The following PTPRN2 variants were observed in gnomAD, a reference collection of about 807,000 sequenced individuals.
The protein encoded by PTPRN2 is receptor-type tyrosine-protein phosphatase N2.
A neutral mutation model predicts 118.8 loss-of-function variants in PTPRN2; 74 were observed. The observed-to-expected ratio is 0.62, with a 90% CI of 0.52 to 0.76. PTPRN2 has a LOEUF of 0.76. PTPRN2 is among the 30% of genes least tolerant of loss of function. The pLI is 0.00. For missense variants in PTPRN2, 1,481 were observed against 1,394.4 expected, an observed-to-expected ratio of 1.06 and a Z score of -0.99; for synonymous variants, 641 against 608.0, an observed-to-expected ratio of 1.05 and a Z score of -0.80.
chr7:157,948,411 T>C (rs532161019), intron 11 of PTPRN2, among the ~76,000 whole-genome samples: 1 of 152,238 alleles, frequency 6.6e-6, no homozygotes, highest in East Asian at 1.9e-4. Flanking sequence ...TTAATTGTAA[T>C]TCCCATGGTA....
chr7:157,779,767 G>T lies in PTPRN2; in HGVS notation c.1789-96830C>A, dbSNP rs562185108. On this transcript the variant is annotated intron_variant, in intron 12 of 22. Transcript: ENST00000389418. This position sits in a 1 kb window ranked among gnomAD's most constrained non-coding sequence, Gnocchi z 4.7. Reference sequence around the variant, plus strand: ...GGCCTGAATGCTCACCCTATGGCTGGGTCACCCAGGGCACCCCGAGGTCAT... The same window carrying T: ...GGCCTGAATGCTCACCCTATGGCTGTGTCACCCAGGGCACCCCGAGGTCAT... Among the ~76,000 whole-genome samples, 7 of 152,296 alleles carry T rather than the reference G, an allele frequency of 4.6e-5. No homozygotes were observed. In the East Asian group the frequency reaches 1.2e-3, roughly 25 times the overall value.
intron 12 of PTPRN2, among the ~76,000 whole-genome samples, chr7:157,776,154 T>C (rs1300147484): frequency 1.8e-5 from 2 of 108,868 alleles, no homozygotes; most frequent in African/African-American, 3.6e-5. Context: ...TCCTCTCCTT[T>C]TTCACCTCCT....
At chr7:158,114,728 G>A (rs966096736) in intron 9 of PTPRN2, among the ~76,000 whole-genome samples, 1 of 152,218 alleles carries the variant, frequency 6.6e-6, no homozygotes, top group African/African-American at 2.4e-5. Flanking sequence ...GCCTACATGG[G>A]AGCCTGGTCC....
Position 157,653,431 on chromosome 7 carries a change from C to T in PTPRN2, c.2196+2926G>A, listed in dbSNP as rs570069266. 1.3e-3 allele frequency among the ~76,000 whole-genome samples: 195 copies of T among 152,214 alleles called. 2 individuals are homozygous for T. The highest frequency in any genetic ancestry group is 2.0e-3 in the Non-Finnish European group (133 of 68,010). On this transcript the variant is annotated intron_variant, in intron 14 of 22. Coordinates refer to ENST00000389418, the MANE Select transcript of PTPRN2 (RefSeq NM_002847.5). ...TGGCTGCCTTGTAGCTGTGATGAGTCGGAAGGTCGGCGACTCTGATGCGTT... is the reference window on the plus strand; with the variant it reads ...TGGCTGCCTTGTAGCTGTGATGAGTTGGAAGGTCGGCGACTCTGATGCGTT...
rs777484708 is a variant in PTPRN2, at chr7:158,167,170, A to G, written c.671T>C (p.Leu224Pro). Residue 224 changes from leucine to proline, a missense_variant, in exon 6 of 23, where the codon CTC becomes CCC. Coordinates refer to ENST00000389418, the MANE Select transcript of PTPRN2 (RefSeq NM_002847.5). ...EDLLPRTLGQ[L>P]QPDELSPKVD... ...CTTAGGGCTGAGCTCATCTGGCTGG[A>G]GCTGGCCGAGGGTCCGCGGCAGGAG... The G allele has an allele frequency of 6.2e-7, 1 of 1,613,836 alleles. No individual in the cohort carries two copies. Among genetic ancestry groups the G allele is most frequent in the South Asian group, 1.1e-5 (1 of 91,054 alleles).
Position 157,861,557 on chromosome 7 carries a change from T to C in PTPRN2, c.1788+37116A>G, listed in dbSNP as rs141321429. Among the ~76,000 whole-genome samples, 122 of 152,312 alleles carry C rather than the reference T, an allele frequency of 8.0e-4. 1 individual carries two copies. Among genetic ancestry groups the C allele is most frequent in the African/African-American group, 2.9e-3 (120 of 41,580 alleles). On this transcript the variant is annotated intron_variant, in intron 12 of 22. Transcript: ENST00000389418. The surrounding 1 kb of genome is among the most constrained non-coding windows in gnomAD (Gnocchi z 5.8). ...ACCTTACCTGCAGACACGCTCCCTG[T>C]ACTCAAAGCCGAGCTGTGTGAGGCT...
intron 14 of PTPRN2, among the ~76,000 whole-genome samples, chr7:157,641,902 T>G (rs1231559720): frequency 6.6e-6 from 1 of 151,948 alleles, no homozygotes; most frequent in Non-Finnish European, 1.5e-5. Context: ...TTCACTCGAG[T>G]CCAGGCTGAG....
chr7:158,164,835 G>A (rs2150582902), intron 6 of PTPRN2, among the ~76,000 whole-genome samples: 1 of 152,296 alleles, frequency 6.6e-6, no homozygotes, highest in South Asian at 2.1e-4. Context: ...CGGTGCCGGG[G>A]AGGGGCAAGG....
intron 12 of PTPRN2, chr7:157,865,776 C>T (rs1810619931): frequency 6.6e-6 from 1 of 152,232 alleles, no homozygotes; most frequent in Admixed American, 6.5e-5. Context: ...CCTCCTGGGG[C>T]TGCAGCCCCA....
Position 157,550,329 on chromosome 7 carries a change from C to T in PTPRN2, c.2903-1310G>A, listed in dbSNP as rs940104967. On this transcript the variant is annotated intron_variant, in intron 21 of 22. Transcript: ENST00000389418. The surrounding 1 kb of genome is among the most constrained non-coding windows in gnomAD (Gnocchi z 5.2). ...CACAGCAGGTGCCTGCGAAGCACCTCCAAGTCAGAACTGCGGGCAGCTAGG... is the reference window on the plus strand; with the variant it reads ...CACAGCAGGTGCCTGCGAAGCACCTTCAAGTCAGAACTGCGGGCAGCTAGG... Among the ~76,000 whole-genome samples the T allele has an allele frequency of 1.2e-4, 18 of 151,962 alleles. No homozygotes were observed. The highest frequency in any genetic ancestry group is 7.4e-5 in the Non-Finnish European group (5 of 67,884).
At chr7:158,233,089 G>A (rs921974506) in intron 3 of PTPRN2, among the ~76,000 whole-genome samples, 2 of 152,138 alleles carry the variant, frequency 1.3e-5, no homozygotes, top group African/African-American at 4.8e-5. Context: ...AATTAGGCAA[G>A]AGAAAGAAAT....
intron 2 of PTPRN2, among the ~76,000 whole-genome samples, chr7:158,478,684 CAT>C (rs1820439371): frequency 6.6e-6 from 1 of 152,106 alleles, no homozygotes; most frequent in Non-Finnish European, 1.5e-5. Flanking sequence ...CTGAAGGTTT[CAT>C]ATCAGGATGA....
Position 158,409,683 on chromosome 7 carries a change from T to C in PTPRN2, c.163+80052A>G, listed in dbSNP as rs73731217. On this transcript the variant is annotated intron_variant, in intron 2 of 22. Coordinates refer to ENST00000389418, the MANE Select transcript of PTPRN2 (RefSeq NM_002847.5). ...GTCTCTAACAACAGAAAACCTCCAC[T>C]GGCTTTCAACCTCACCTGCCAGGGA... Among the ~76,000 whole-genome samples the C allele has an allele frequency of 5.4e-3, 822 of 152,248 alleles. 11 individuals are homozygous for C. The highest frequency in any genetic ancestry group is 0.018 in the African/African-American group (740 of 41,562).
chr7:158,147,346 C>G (rs1419517488), intron 6 of PTPRN2, among the ~76,000 whole-genome samples: 1 of 96,852 alleles, frequency 1.0e-5, no homozygotes, highest in Middle Eastern at 8.2e-3. Context: ...GACACCCCAT[C>G]TCACGCCACG....
At chr7:157,825,343 G>A (rs1285049439) in intron 12 of PTPRN2, among the ~76,000 whole-genome samples, 1 of 152,178 alleles carries the variant, frequency 6.6e-6, no homozygotes, top group Non-Finnish European at 1.5e-5. Context: ...AGGGCTGAGG[G>A]CTGGAGCGGC....
chr7:157,689,752 A>C (rs112005280), intron 12 of PTPRN2, among the ~76,000 whole-genome samples: 1 of 152,156 alleles, frequency 6.6e-6, no homozygotes, highest in African/African-American at 2.4e-5. Flanking sequence ...GGCGCTGAGA[A>C]AGCGCAGTTC....
At chr7:158,394,848 C>A (rs1438188774) in intron 2 of PTPRN2, among the ~76,000 whole-genome samples, 5 of 152,228 alleles carry the variant, frequency 3.3e-5, no homozygotes, top group Non-Finnish European at 7.3e-5. Flanking sequence ...TGACCAGAGG[C>A]ATTTACCGTG....
At chr7:158,280,325 C>T (rs535377364) in intron 3 of PTPRN2, among the ~76,000 whole-genome samples, 2 of 152,304 alleles carry the variant, frequency 1.3e-5, no homozygotes, top group East Asian at 1.9e-4. Flanking sequence ...GCCATGGCTG[C>T]CTAGGGGAGG....
At chr7:158,461,489 C>T (rs1939709523) in intron 2 of PTPRN2, among the ~76,000 whole-genome samples, 1 of 124,480 alleles carries the variant, frequency 8.0e-6, no homozygotes. Flanking sequence ...GAGCGAGACT[C>T]CGTCTCAAAA....
Sources: gnomAD v4.1 joint callset for allele counts (sites outside exome capture counted in the v4.1 genomes callset) on GRCh38, gnomAD v4.1.1 for gene constraint, Gnocchi (gnomAD v3.1) non-coding constraint, MANE v1.5 for transcripts, NCBI Gene and HGNC (gene_info 2026-07-23, HGNC 2026-07-21) for gene names.